The following EHBP1 variants were observed in gnomAD, a reference collection of about 807,000 sequenced individuals.
The protein encoded by EHBP1 is EH domain binding protein 1.
EHBP1 carries 55 observed loss-of-function variants against 144.0 expected under a neutral mutation model. The ratio of observed to expected loss-of-function variants is 0.38; its 90% CI spans 0.31 to 0.48. EHBP1 has a LOEUF of 0.48. EHBP1 is among the 20% of genes least tolerant of loss of function. EHBP1 has a pLI of 0.98. For missense variants in EHBP1, 1,200 were observed against 1,364.2 expected, an observed-to-expected ratio of 0.88 and a Z score of 1.90; for synonymous variants, 469 against 472.7, an observed-to-expected ratio of 0.99 and a Z score of 0.10.
chr2:62,943,376 CAAA>C (rs11306610), intron 11 of EHBP1, among the ~76,000 whole-genome samples: 50 of 87,838 alleles, frequency 5.7e-4, no homozygotes, highest in Non-Finnish European at 6.7e-4. Context: ...AACTCCGTCT[CAAA>C]AAAAAAAAAA....
chr2:62,764,408 T>TA (rs769315268), intron 4 of EHBP1, 47 bp downstream of exon 4: 1 of 1,373,454 alleles, frequency 7.3e-7, no homozygotes, highest in Non-Finnish European at 9.9e-7. Flanking sequence ...ATAACCAGGG[T>TA]ACCAAATGAC....
intron 20 of EHBP1, among the ~76,000 whole-genome samples, chr2:63,038,092 A>G (rs1032612017): frequency 6.6e-6 from 1 of 152,152 alleles, no homozygotes; most frequent in African/African-American, 2.4e-5. Flanking sequence ...CCTTTTTGTG[A>G]TTATAAGAAT....
intron 5 of EHBP1, among the ~76,000 whole-genome samples, chr2:62,802,368 A>G (rs1166848219): frequency 2.0e-5 from 3 of 152,166 alleles, no homozygotes; most frequent in African/African-American, 7.2e-5. Flanking sequence ...TCTATGATGC[A>G]TAGGAAAGCC....
intron 8 of EHBP1, among the ~76,000 whole-genome samples, chr2:62,860,020 T>C (rs968460279): frequency 6.6e-6 from 1 of 152,148 alleles, no homozygotes; most frequent in African/African-American, 2.4e-5. Flanking sequence ...AAAATGAGGT[T>C]TTAGCTTCAG....
intron 2 of EHBP1, among the ~76,000 whole-genome samples, chr2:62,745,474 G>A (rs1280938594): frequency 6.6e-6 from 1 of 151,932 alleles, no homozygotes; most frequent in African/African-American, 2.4e-5. Context: ...TTACTAGGTA[G>A]AAAAATGGAA....
chr2:62,789,050 C>T (rs1456674744), intron 5 of EHBP1, among the ~76,000 whole-genome samples: 1 of 152,158 alleles, frequency 6.6e-6, no homozygotes, highest in Non-Finnish European at 1.5e-5. Context: ...AGAGTTAAAC[C>T]TTAGATCCAG....
chr2:62,746,156 C>T (rs1041167045), intron 2 of EHBP1, among the ~76,000 whole-genome samples: 1 of 152,056 alleles, frequency 6.6e-6, no homozygotes, highest in African/African-American at 2.4e-5. Context: ...AACTTGCCAT[C>T]ATAGATCATA....
intron 21 of EHBP1, chr2:63,043,997 G>A (rs2061807431): frequency 9.3e-6 from 1 of 106,952 alleles, no homozygotes; most frequent in South Asian, 3.2e-4. Context: ...TTCCCTCTAG[G>A]TCCTCATTTG....
chr2:62,921,777 CT>C (rs1413008094), intron 10 of EHBP1, among the ~76,000 whole-genome samples: 2 of 152,216 alleles, frequency 1.3e-5, no homozygotes, highest in Non-Finnish European at 2.9e-5. Context: ...ATTATCTACT[CT>C]TGACCAGAAC....
At chr2:62,738,072 T>G (rs1027262098) in intron 2 of EHBP1, among the ~76,000 whole-genome samples, 2 of 152,094 alleles carry the variant, frequency 1.3e-5, no homozygotes, top group Non-Finnish European at 2.9e-5. Context: ...GCCTTTGTCT[T>G]TTTTTTAGTA....
chr2:62,964,911 C>A (rs1169574667), intron 14 of EHBP1: 1 of 152,604 alleles, frequency 6.6e-6, no homozygotes, highest in Non-Finnish European at 1.5e-5. Context: ...CATGAAACCA[C>A]AACGACTTGA....
intron 2 of EHBP1, among the ~76,000 whole-genome samples, chr2:62,737,785 G>A (rs950462118): frequency 6.6e-6 from 1 of 151,914 alleles, no homozygotes; most frequent in African/African-American, 2.4e-5. Flanking sequence ...TTTTTTAGAG[G>A]CAGGGTCTTG....
At chr2:62,839,965 C>A (rs1285080946) in intron 7 of EHBP1, among the ~76,000 whole-genome samples, 3 of 152,150 alleles carry the variant, frequency 2.0e-5, no homozygotes, top group African/African-American at 7.2e-5. Context: ...CAATGACTTT[C>A]TTCACAGAAT....
At chr2:62,837,443 A>G (rs2047370165) in intron 7 of EHBP1, among the ~76,000 whole-genome samples, 1 of 151,764 alleles carries the variant, frequency 6.6e-6, no homozygotes, top group Non-Finnish European at 1.5e-5. Context: ...AACAAGCAAA[A>G]TCACCAGCTA....
At chr2:63,008,747 C>A (rs2060150575) in intron 19 of EHBP1, among the ~76,000 whole-genome samples, 1 of 150,042 alleles carries the variant, frequency 6.7e-6, no homozygotes, top group African/African-American at 2.4e-5. Flanking sequence ...AAGTAATAAA[C>A]CAGAAATAAA....
chr2:62,743,915 C>A (rs1280972574), intron 2 of EHBP1, among the ~76,000 whole-genome samples: 1 of 152,106 alleles, frequency 6.6e-6, no homozygotes, highest in African/African-American at 2.4e-5. Flanking sequence ...TAGCCTCTTT[C>A]TTCCTTTCCA....
intron 1 of EHBP1, among the ~76,000 whole-genome samples, chr2:62,691,573 C>T (rs1172533903): frequency 2.0e-5 from 3 of 152,168 alleles, no homozygotes; most frequent in African/African-American, 7.2e-5. Flanking sequence ...TGGGTATTGA[C>T]AGGCAACTAA....
chr2:62,844,983 T>C (rs1376481169), intron 7 of EHBP1, among the ~76,000 whole-genome samples: 1 of 152,146 alleles, frequency 6.6e-6, no homozygotes, highest in Non-Finnish European at 1.5e-5. Context: ...CTGTTGTTTA[T>C]CCCCTACCAC....
At chr2:62,945,891 T>TA (rs2153083760) in intron 12 of EHBP1, among the ~76,000 whole-genome samples, 1 of 152,356 alleles carries the variant, frequency 6.6e-6, no homozygotes, top group East Asian at 1.9e-4. Context: ...ATAGTTTTCT[T>TA]ACAGAAATTA....
Sources: gnomAD v4.1 joint callset for allele counts (sites outside exome capture counted in the v4.1 genomes callset) on GRCh38, gnomAD v4.1.1 for gene constraint, MANE v1.5 for transcripts, NCBI Gene and HGNC (gene_info 2026-07-23, HGNC 2026-07-21) for gene names.